FRK: variants seen among roughly 807,000 people sequenced by gnomAD.
FRK encodes the protein tyrosine-protein kinase FRK.
FRK carries 51 observed loss-of-function variants against 56.4 expected under a neutral mutation model. The ratio of observed to expected loss-of-function variants is 0.90; its 90% CI spans 0.72 to 1.14. FRK has a LOEUF of 1.14. Ranked by LOEUF, FRK falls within the 50% of genes most tolerant of loss-of-function variation. The pLI is 0.00. For missense variants in FRK, 570 were observed against 601.4 expected (o/e 0.95, Z 0.55); for synonymous variants, 245 against 217.9 (o/e 1.12, Z -1.10).
chr6:116,025,124 A>G (rs1205080498), intron 1 of FRK, among the ~76,000 whole-genome samples: 2 of 152,146 alleles, frequency 1.3e-5, no homozygotes, highest in African/African-American at 4.8e-5. Flanking sequence ...AAAGAATTGC[A>G]GGCCCCATGA....
chr6:115,983,467 GA>G (rs1346801987), intron 2 of FRK, among the ~76,000 whole-genome samples: 3 of 152,258 alleles, frequency 2.0e-5, no homozygotes, highest in Non-Finnish European at 1.5e-5. Flanking sequence ...CTCTTAAAGG[GA>G]AATACTAGGT....
At chr6:115,976,135 C>A (rs552789974) in intron 2 of FRK, among the ~76,000 whole-genome samples, 1 of 152,098 alleles carries the variant, frequency 6.6e-6, no homozygotes, top group Non-Finnish European at 1.5e-5. Context: ...AGAAGCCCAG[C>A]TTTCTTCTAA....
At chr6:115,951,672 T>G (rs956733019) in intron 5 of FRK, among the ~76,000 whole-genome samples, 1 of 152,204 alleles carries the variant, frequency 6.6e-6, no homozygotes, top group Non-Finnish European at 1.5e-5. Flanking sequence ...TGTATGTTAT[T>G]TCAACTATCA....
the FRK span, among the ~76,000 whole-genome samples, chr6:116,080,098 G>A: frequency 1.2e-3 from 181 of 152,166 alleles, no homozygotes; most frequent in African/African-American, 3.8e-3. Context: ...ATAATGCAAC[G>A]ATAGCATAAA....
chr6:115,978,110 T>C (rs1279889426), intron 2 of FRK, among the ~76,000 whole-genome samples: 1 of 152,170 alleles, frequency 6.6e-6, no homozygotes, highest in Non-Finnish European at 1.5e-5. Flanking sequence ...CCTCACTTGG[T>C]ATTATATCTG....
chr6:116,072,297 T>C, the FRK span, among the ~76,000 whole-genome samples: 2 of 152,072 alleles, frequency 1.3e-5, no homozygotes, highest in Admixed American at 1.3e-4. Context: ...TGTTGAGTGA[T>C]TGAGTCCTGA....
chr6:115,994,338 C>CCT (rs1554230544), intron 2 of FRK, among the ~76,000 whole-genome samples: 122 of 91,594 alleles, frequency 1.3e-3, no homozygotes, highest in Non-Finnish European at 2.0e-3. Context: ...CCCCCCCCGC[C>CCT]TTTTTTTTGT....
intron 2 of FRK, among the ~76,000 whole-genome samples, chr6:115,973,066 G>A (rs1229457665): frequency 6.6e-6 from 1 of 152,076 alleles, no homozygotes; most frequent in Non-Finnish European, 1.5e-5. Context: ...AATACAAAAG[G>A]CAAGAGTCCA....
At chr6:115,998,441 C>T (rs544559898) in intron 2 of FRK, among the ~76,000 whole-genome samples, 2 of 152,250 alleles carry the variant, frequency 1.3e-5, no homozygotes, top group South Asian at 2.1e-4. Flanking sequence ...CATCCCTCCT[C>T]GCCTTCATCC....
chr6:116,008,752 T>C (rs1392603832), intron 1 of FRK, among the ~76,000 whole-genome samples: 2 of 152,116 alleles, frequency 1.3e-5, no homozygotes, highest in African/African-American at 4.8e-5. Context: ...CATTTTCAGC[T>C]CTCTCTTTAA....
chr6:115,956,789 G>C (rs1773010360), intron 4 of FRK, among the ~76,000 whole-genome samples, 179 bp from the exon 5 acceptor site: 1 of 152,178 alleles, frequency 6.6e-6, no homozygotes, highest in Non-Finnish European at 1.5e-5. Flanking sequence ...CTAGTAACTG[G>C]ATGTGTTGGT....
chr6:116,031,507 A>T (rs971867058), intron 1 of FRK, among the ~76,000 whole-genome samples: 2 of 152,158 alleles, frequency 1.3e-5, no homozygotes, highest in Non-Finnish European at 2.9e-5. Flanking sequence ...TTTAAAGTGG[A>T]TATTGAACAA....
At position 115,934,064 on chromosome 6, in the gene FRK, C is replaced by T. The variant is rs1020315263; in HGVS notation, c.*8350G>A. 3 of 151,918 alleles carry T rather than the reference C, an allele frequency of 2.0e-5. No individual in the cohort carries two copies. The highest frequency in any genetic ancestry group is 2.9e-5 in the Non-Finnish European group (2 of 68,004). 9.4% of individuals were successfully genotyped at this position (151,918 alleles called of 1,614,324 possible). On this transcript the variant is annotated 3_prime_UTR_variant, in exon 8 of 8. Transcript: ENST00000606080. ...AATATATACACACTCAACATACCCG[C>T]ATGTATATATTTAGAGAGAGAGAAA...
chr6:115,942,912 T>C, intron 7 of FRK, 108 bp downstream of exon 7: 1 of 1,072,938 alleles, frequency 9.3e-7, no homozygotes, highest in Non-Finnish European at 1.4e-6. Flanking sequence ...GCAGGTATGG[T>C]ATGGTCAGCC....
upstream of FRK, among the ~76,000 whole-genome samples, chr6:116,064,305 T>C (rs1777715583): frequency 6.6e-6 from 1 of 152,170 alleles, no homozygotes. Flanking sequence ...TTCTACTTGG[T>C]TTGTGGTTGA....
chr6:116,062,184 T>G (rs1299132591), upstream of FRK, among the ~76,000 whole-genome samples: 1 of 152,118 alleles, frequency 6.6e-6, no homozygotes, highest in African/African-American at 2.4e-5. Context: ...GGAGTCAGAG[T>G]ACAAATAACA....
At chr6:116,095,255 T>C in the FRK span, among the ~76,000 whole-genome samples, 1 of 152,230 alleles carries the variant, frequency 6.6e-6, no homozygotes, top group African/African-American at 2.4e-5. Flanking sequence ...GGGTATTCAG[T>C]AAGTGATAAG....
the FRK span, among the ~76,000 whole-genome samples, chr6:116,074,215 G>A: frequency 1.9e-4 from 29 of 152,310 alleles, no homozygotes; most frequent in African/African-American, 6.0e-4. Flanking sequence ...CCAGGAGACT[G>A]GGGGTGACTC....
chr6:115,948,413 C>T (rs1424096227), intron 5 of FRK, among the ~76,000 whole-genome samples: 2 of 152,210 alleles, frequency 1.3e-5, no homozygotes, highest in Non-Finnish European at 2.9e-5. Context: ...CTAAGCTACA[C>T]CTGGATTCCT....
Sources: allele counts gnomAD v4.1 joint callset (sites outside exome capture counted in the v4.1 genomes callset), GRCh38; gene constraint gnomAD v4.1.1; transcripts MANE v1.5; gene names NCBI Gene and HGNC (gene_info 2026-07-23, HGNC 2026-07-21).